The following TSPAN7 variants were observed in gnomAD, a reference collection of about 807,000 sequenced individuals.
TSPAN7 encodes tetraspanin 7, also known as tetraspanin-7.
Under a neutral mutation model 17.6 loss-of-function variants are expected in TSPAN7, and 1 was observed. The observed-to-expected ratio is 0.06, with a 90% CI of 0.02 to 0.27. The LOEUF (loss-of-function observed/expected upper bound fraction) is 0.27, where lower values mean the gene tolerates loss of function less well. Among genes scored for constraint, TSPAN7 ranks in the 10% least tolerant of loss-of-function variants. The probability of loss-of-function intolerance (pLI) is 1.00; values close to 1 mark genes in which losing one functional copy is unlikely to be tolerated. For missense variants in TSPAN7, 112 were observed against 201.7 expected (o/e 0.56, Z 2.69); for synonymous variants, 78 against 79.0 (o/e 0.99, Z 0.07).
At chrX:38,656,579 C>T (rs1376946460) in intron 1 of TSPAN7, among the ~76,000 whole-genome samples, 1 of 111,775 alleles carries the variant, frequency 8.9e-6, no homozygotes, top group Non-Finnish European at 1.9e-5. Flanking sequence ...ATCCCCCAAA[C>T]ATTAAGCTTC....
chrX:38,677,539 AT>A (rs1191681403), intron 5 of TSPAN7, among the ~76,000 whole-genome samples: 1 of 111,533 alleles, frequency 9.0e-6, no homozygotes, highest in Non-Finnish European at 1.9e-5. Context: ...ATGGGGTCAC[AT>A]TTTTTCATTT....
At chrX:38,642,681 C>T (rs2069619907) in intron 1 of TSPAN7, among the ~76,000 whole-genome samples, 1 of 111,906 alleles carries the variant, frequency 8.9e-6, no homozygotes, top group Non-Finnish European at 1.9e-5. Context: ...CAAACAACTA[C>T]AAGAGTAAGC....
intron 1 of TSPAN7, chrX:38,612,381 C>A (rs1437006653): frequency 1.8e-5 from 2 of 111,572 alleles, no homozygotes; most frequent in African/African-American, 3.3e-5. Context: ...CCTCAGCCCA[C>A]GCCAGGAAAA....
At chrX:38,641,556 CCT>C (rs1032922860) in intron 1 of TSPAN7, among the ~76,000 whole-genome samples, 2 of 111,527 alleles carry the variant, frequency 1.8e-5, no homozygotes, top group African/African-American at 6.5e-5. Flanking sequence ...GAACTATGTG[CCT>C]CTTTCCTCCT....
intron 1 of TSPAN7, among the ~76,000 whole-genome samples, chrX:38,629,245 A>C: frequency 8.9e-6 from 1 of 112,544 alleles, no homozygotes; most frequent in Non-Finnish European, 1.9e-5. Context: ...AATGAATCAC[A>C]CAGACCTGTA....
intron 1 of TSPAN7, among the ~76,000 whole-genome samples, chrX:38,640,835 A>G (rs5917610): frequency 9.0e-6 from 1 of 111,103 alleles, no homozygotes; most frequent in South Asian, 3.7e-4. Context: ...CATCTTCCTA[A>G]GAGCTGAGGC....
intron 1 of TSPAN7, among the ~76,000 whole-genome samples, chrX:38,653,333 G>T (rs185886905): frequency 9.0e-6 from 1 of 111,268 alleles, no homozygotes; most frequent in East Asian, 2.8e-4. Flanking sequence ...GATACGATGC[G>T]GTTGCCTTAT....
At chrX:38,596,471 C>G (rs2069319204) in intron 1 of TSPAN7, among the ~76,000 whole-genome samples, 1 of 111,711 alleles carries the variant, frequency 9.0e-6, no homozygotes, top group South Asian at 3.7e-4. Flanking sequence ...AGTTTACTTA[C>G]TTTTTAGTAT....
Position 38,561,604 on chromosome X carries a change from A to G in TSPAN7, c.58A>G (p.Ile20Val). 8.3e-7 allele frequency: 1 copy of G among 1,208,159 alleles called. No individual in the cohort carries two copies. The highest frequency in any genetic ancestry group is 1.1e-6 in the Non-Finnish European group (1 of 893,257). The part of the protein sequence containing the change: ...PVITCLKTLL[I>V]IYSFVFWITG... ...GATAACCTGTCTCAAAACCCTCCTCATCATCTACTCCTTCGTCTTCTGGGT... is the reference window on the plus strand; with the variant it reads ...GATAACCTGTCTCAAAACCCTCCTCGTCATCTACTCCTTCGTCTTCTGGGT... Residue 20 changes from isoleucine (I) to valine (V), a missense_variant, in exon 1 of 8, where the codon ATC (isoleucine) becomes GTC (valine). Ile to Val is a conservative substitution (Grantham distance 29). Coordinates refer to ENST00000378482, the MANE Select transcript of TSPAN7 (RefSeq NM_004615.4).
chrX:38,646,158 C>T (rs1218991081), intron 1 of TSPAN7: 4 of 755,692 alleles, frequency 5.3e-6, no homozygotes, highest in Non-Finnish European at 7.1e-6. Flanking sequence ...AAAAAAAAAC[C>T]TGTAAATACA....
chrX:38,619,122 G>A (rs972283115), intron 1 of TSPAN7, among the ~76,000 whole-genome samples: 1 of 111,245 alleles, frequency 9.0e-6, no homozygotes, highest in African/African-American at 3.3e-5. Flanking sequence ...AGCATCAAGA[G>A]CCTAAGTGAT....
At chrX:38,577,714 A>G (rs1207011051) in intron 1 of TSPAN7, among the ~76,000 whole-genome samples, 1 of 105,817 alleles carries the variant, frequency 9.5e-6, no homozygotes, top group Non-Finnish European at 2.0e-5. Flanking sequence ...CCTAATGCTA[A>G]ATGATGAGTT....
intron 1 of TSPAN7, among the ~76,000 whole-genome samples, chrX:38,633,215 C>T (rs1392974659): frequency 8.9e-6 from 1 of 112,279 alleles, no homozygotes; most frequent in Admixed American, 9.4e-5. Flanking sequence ...TAAACTATTT[C>T]TCAGAGAGAA....
At position 38,561,637 on chromosome X, in the gene TSPAN7, C is replaced by A. The variant is rs749758511; in HGVS notation, c.81+10C>A. Reference sequence around the variant, plus strand: ...CTCCTTCGTCTTCTGGGTAAGTGCCCACGCCGGGCCGGTGGCCGAGTCGCT... The same window carrying A: ...CTCCTTCGTCTTCTGGGTAAGTGCCAACGCCGGGCCGGTGGCCGAGTCGCT... On this transcript the variant is annotated intron_variant, in intron 1 of 7. Transcript: ENST00000378482. The A allele has an allele frequency of 3.4e-6, 4 of 1,191,688 alleles. No homozygotes were observed. In the African/African-American group the frequency reaches 7.1e-5, roughly 21 times the overall value.
At chrX:38,563,440 T>C (rs1283978032) in intron 1 of TSPAN7, among the ~76,000 whole-genome samples, 1 of 110,371 alleles carries the variant, frequency 9.1e-6, no homozygotes, top group Non-Finnish European at 1.9e-5. Flanking sequence ...ATCATTTACT[T>C]GACTTCCTAT....
intron 3 of TSPAN7, among the ~76,000 whole-genome samples, chrX:38,673,666 C>A (rs1000435295): frequency 9.0e-6 from 1 of 111,038 alleles, no homozygotes; most frequent in African/African-American, 3.3e-5. Flanking sequence ...AGCCACTGCA[C>A]CTAGCCAACC....
At chrX:38,613,041 C>G (rs1490859336) in intron 1 of TSPAN7, among the ~76,000 whole-genome samples, 1 of 111,750 alleles carries the variant, frequency 8.9e-6, no homozygotes, top group Non-Finnish European at 1.9e-5. Context: ...CATTTATTCT[C>G]CATTTTTCTT....
rs750095216 is a variant in TSPAN7 at position 38,662,443 on chromosome X, CT to C, written c.82-3677del. Among the ~76,000 whole-genome samples, 35 of 111,643 alleles carry C rather than the reference CT, an allele frequency of 3.1e-4. No individual in the cohort carries two copies. In the South Asian group the frequency reaches 0.013, roughly 41 times the overall value. ...TAAATGGACAGGTACAGAACATTGA[CT>C]GTGTGCAAGGTACACAGCTCCCACC... On this transcript the variant is annotated intron_variant, in intron 1 of 7. Coordinates refer to ENST00000378482, the MANE Select transcript of TSPAN7 (RefSeq NM_004615.4).
chrX:38,622,757 C>G (rs984354947), intron 1 of TSPAN7: 2 of 275,200 alleles, frequency 7.3e-6, no homozygotes, highest in Non-Finnish European at 1.4e-5. Flanking sequence ...AGTTCTCATG[C>G]CTGTCTTTAA....
Sources: gnomAD v4.1 joint callset for allele counts (sites outside exome capture counted in the v4.1 genomes callset) on GRCh38, gnomAD v4.1.1 for gene constraint, MANE v1.5 for transcripts, NCBI Gene and HGNC (gene_info 2026-07-23, HGNC 2026-07-21) for gene names.